NEK6: variants seen among roughly 807,000 people sequenced by gnomAD.
NEK6 encodes serine/threonine-protein kinase Nek6.
Under a neutral mutation model 43.5 loss-of-function variants are expected in NEK6, and 27 were observed. The observed-to-expected ratio is 0.62, with a 90% CI of 0.46 to 0.86. The LOEUF is 0.86. Ranked by LOEUF, NEK6 falls within the 40% of genes least tolerant of loss-of-function variation. NEK6 has a pLI of 0.00. For missense variants in NEK6, 318 were observed against 414.4 expected, an observed-to-expected ratio of 0.77 and a Z score of 2.02; for synonymous variants, 167 against 164.1, an observed-to-expected ratio of 1.02 and a Z score of -0.14.
At chr9:124,265,792 A>G (rs970223780) in intron 1 of NEK6, 1 of 152,282 alleles carries the variant, frequency 6.6e-6, no homozygotes, top group African/African-American at 2.4e-5. Flanking sequence ...TCTGCTAACC[A>G]GAGATGCTTG....
In NEK6 at chr9:124,275,854, T is replaced by A. The variant is rs937650786; in HGVS notation, c.-30+17769T>A. 1.3e-5 allele frequency among the ~76,000 whole-genome samples: 2 copies of A among 152,356 alleles called. No individual in the cohort carries two copies. Among genetic ancestry groups the A allele is most frequent in the East Asian group, 3.9e-4 (2 of 5,176 alleles). On this transcript the variant is annotated intron_variant, in intron 1 of 9. Transcript: ENST00000320246. The surrounding 1 kb of genome is among the most constrained non-coding windows in gnomAD (Gnocchi z 4.4). ...GGGACAGCTGAGATGCTGAGACCAC[T>A]GTGTCCAAAGCCCAGGCCTTTTCTG...
chr9:124,312,378 A>G, intron 2 of NEK6, 131 bp from the exon 3 acceptor site: 1 of 1,128,806 alleles, frequency 8.9e-7, no homozygotes, highest in Non-Finnish European at 1.2e-6. Context: ...GGAGGCTCCC[A>G]GAGCAGGGTT....
intron 1 of NEK6, among the ~76,000 whole-genome samples, chr9:124,279,102 G>C (rs1032697546): frequency 3.9e-5 from 6 of 152,116 alleles, no homozygotes; most frequent in Non-Finnish European, 8.8e-5. Context: ...GAGAGGATGG[G>C]GGGCTTCAAC....
chr9:124,306,767 A>G (rs1009667376), intron 2 of NEK6, among the ~76,000 whole-genome samples: 1 of 152,222 alleles, frequency 6.6e-6, no homozygotes, highest in African/African-American at 2.4e-5. Context: ...AAGTCTGACA[A>G]TGTGAACTCT....
chr9:124,342,220 G>C (rs1453898412), intron 8 of NEK6, among the ~76,000 whole-genome samples: 1 of 152,258 alleles, frequency 6.6e-6, no homozygotes, highest in African/African-American at 2.4e-5. Context: ...CCACCTGTAA[G>C]TGGGCATCGT....
intron 2 of NEK6, among the ~76,000 whole-genome samples, chr9:124,308,961 G>A (rs1833404213): frequency 6.6e-6 from 1 of 152,242 alleles, no homozygotes; most frequent in Admixed American, 6.5e-5. Flanking sequence ...CTTGGAGGTG[G>A]CGACGGAGCA....
At chr9:124,313,745 G>A (rs996996096) in intron 3 of NEK6, among the ~76,000 whole-genome samples, 178 bp from the exon 4 acceptor site, 1 of 152,146 alleles carries the variant, frequency 6.6e-6, no homozygotes, top group African/African-American at 2.4e-5. Flanking sequence ...TGGTGGGACA[G>A]TGCTGGGGGG....
chr9:124,277,858 GCTC>G (rs1440210579), intron 1 of NEK6, among the ~76,000 whole-genome samples: 2 of 152,202 alleles, frequency 1.3e-5, no homozygotes, highest in Non-Finnish European at 2.9e-5. Context: ...CAAGAGCCCT[GCTC>G]CTCATGTGCT....
At chr9:124,260,499 G>A (rs1398137807) in intron 1 of NEK6, among the ~76,000 whole-genome samples, 1 of 152,126 alleles carries the variant, frequency 6.6e-6, no homozygotes, top group African/African-American at 2.4e-5. Context: ...GTTCAAGTGA[G>A]CCTCCTGCCT....
intron 1 of NEK6, among the ~76,000 whole-genome samples, chr9:124,281,487 C>CTTTTTTTTTTTT (rs759381068): frequency 1.1e-4 from 11 of 102,920 alleles, no homozygotes; most frequent in African/African-American, 1.6e-4. Context: ...GCTGTTTTTT[C>CTTTTTTTTTTTT]TTTTTTTTTT....
intron 1 of NEK6, among the ~76,000 whole-genome samples, chr9:124,296,499 C>A (rs767449572): frequency 6.6e-6 from 1 of 152,188 alleles, no homozygotes. Context: ...GTGGACAGAA[C>A]GAGCCTGGTG....
chr9:124,338,545 C>T (rs927610), intron 7 of NEK6, among the ~76,000 whole-genome samples: 55,143 of 152,090 alleles, frequency 0.36, 10,248 homozygotes, highest in Non-Finnish European at 0.4. Context: ...GTTTGATGAA[C>T]TGAAGTTCCT....
rs200021823 is a variant in NEK6 at position 124,350,920 on chromosome 9, G to A, written c.915G>A (p.Gln305=). The A allele has an allele frequency of 1.7e-5, 28 of 1,610,512 alleles. No homozygotes were observed. In the African/African-American group the frequency reaches 3.6e-4, roughly 21 times the overall value. The part of the protein sequence containing the change: ...DIGYVHQVAK[Q]MHIWMSST Reference sequence around the variant, plus strand: ...GATACGTGCACCAGGTGGCCAAGCAGATGCACATCTGGATGTCCAGCACCT... The same window carrying A: ...GATACGTGCACCAGGTGGCCAAGCAAATGCACATCTGGATGTCCAGCACCT... The change falls in exon 10 of 10, where the codon CAG becomes CAA. Residue 305 remains glutamine, a synonymous_variant. Transcript: ENST00000320246.
chr9:124,329,102 G>A (rs973677904), intron 7 of NEK6, among the ~76,000 whole-genome samples: 2 of 152,224 alleles, frequency 1.3e-5, no homozygotes, highest in African/African-American at 2.4e-5. Context: ...AGATACCGTT[G>A]GAGTCCCCCT....
In NEK6 at chr9:124,351,258, A is replaced by ATCTT. The variant is rs1429920006; in HGVS notation, c.*313_*316dup. ...CCCCTGTATCTGGATTGTAATGTGA[A>ATCTT]TCTTTAGGGTAATTCCTCCAGTGAC... On this transcript the variant is annotated 3_prime_UTR_variant, in exon 10 of 10. Transcript: ENST00000320246. 3.9e-5 allele frequency: 11 copies of ATCTT among 283,086 alleles called. No homozygotes were observed. The highest frequency in any genetic ancestry group is 6.1e-5 in the Non-Finnish European group (9 of 146,614). 17.5% of individuals were successfully genotyped at this position (283,086 alleles called of 1,614,324 possible).
intron 4 of NEK6, among the ~76,000 whole-genome samples, chr9:124,320,736 G>A (rs1390697041): frequency 6.6e-6 from 1 of 152,230 alleles, no homozygotes; most frequent in Non-Finnish European, 1.5e-5. Context: ...GAAGGACAGA[G>A]GCAGCGTCTC....
At chr9:124,296,190 A>T (rs185516839) in intron 1 of NEK6, among the ~76,000 whole-genome samples, 1 of 152,358 alleles carries the variant, frequency 6.6e-6, no homozygotes, top group South Asian at 2.1e-4. Context: ...ACCAACAGAC[A>T]TCACCCCTGG....
chr9:124,286,088 C>G (rs766542390), intron 1 of NEK6, among the ~76,000 whole-genome samples: 2 of 152,168 alleles, frequency 1.3e-5, no homozygotes, highest in East Asian at 1.9e-4. Flanking sequence ...TGCCCTCCCC[C>G]GCAGTCAGAC....
At chr9:124,289,880 C>T (rs2119041297) in intron 1 of NEK6, among the ~76,000 whole-genome samples, 1 of 152,272 alleles carries the variant, frequency 6.6e-6, no homozygotes, top group East Asian at 1.9e-4. Flanking sequence ...ACCATGCAGC[C>T]CTATGGGAGT....
Sources: gnomAD v4.1 joint callset for allele counts (sites outside exome capture counted in the v4.1 genomes callset) on GRCh38, gnomAD v4.1.1 for gene constraint, Gnocchi (gnomAD v3.1) non-coding constraint, MANE v1.5 for transcripts, NCBI Gene and HGNC (gene_info 2026-07-23, HGNC 2026-07-21) for gene names.